ARL10: variants seen among roughly 807,000 people sequenced by gnomAD.
ARL10 encodes ADP-ribosylation factor-like protein 10.
A neutral mutation model predicts 26.1 loss-of-function variants in ARL10; 23 were observed. The observed-to-expected ratio is 0.88, with a 90% confidence interval of 0.63 to 1.25. The LOEUF (loss-of-function observed/expected upper bound fraction) is 1.25. ARL10 is among the 50% of genes most tolerant of loss of function. The pLI is 0.00. For synonymous variants in ARL10, 138 were observed against 149.1 expected (o/e 0.93, Z 0.54); for missense variants, 300 against 323.6 (o/e 0.93, Z 0.56).
the ARL10 span, among the ~76,000 whole-genome samples, chr5:176,409,293 G>GAAAAAAA: frequency 1.9e-5 from 2 of 103,062 alleles, no homozygotes; most frequent in Non-Finnish European, 4.1e-5. Context: ...TTTTAAAATT[G>GAAAAAAA]AAAAAAAAAA....
intron 1 of ARL10, chr5:176,398,186 T>C: frequency 1.4e-6 from 1 of 714,758 alleles, no homozygotes; most frequent in East Asian, 2.7e-5. Context: ...TGACTACACC[T>C]ATCTTTGCAC....
In ARL10 at chr5:176,397,779, G is replaced by A. The variant is rs555936486; in HGVS notation, c.134-3962G>A. 117 of 1,547,030 alleles carry A rather than the reference G, an allele frequency of 7.6e-5. No homozygotes were observed. The East Asian group carries it at 1.2e-3, about 16-fold the overall frequency. On this transcript the variant is annotated intron_variant, in intron 1 of 1. Transcript: ENST00000514533. ...AGCTGGGATGCACAGGCCCGGCCGC[G>A]CTCCTCCCCTGGCCCCTGCCAGGCA...
chr5:176,399,211 ACTG>A (rs1756694201), intron 1 of ARL10, among the ~76,000 whole-genome samples: 1 of 152,046 alleles, frequency 6.6e-6, no homozygotes, highest in African/African-American at 2.4e-5. Flanking sequence ...TGTCCTTTTC[ACTG>A]CTATGTCCCC....
downstream of ARL10, chr5:176,406,421 G>A (rs1055922406): frequency 1.6e-5 from 19 of 1,160,698 alleles, no homozygotes; most frequent in Admixed American, 1.6e-4. Context: ...CGTGTGCTGC[G>A]ACTCCAGGGA....
chr5:176,402,837 C>T (rs372068949), downstream of ARL10, among the ~76,000 whole-genome samples: 17 of 152,216 alleles, frequency 1.1e-4, no homozygotes, highest in South Asian at 1.5e-3. Context: ...GCACCATTCT[C>T]GCCTGGGGAC....
chr5:176,387,073 TCTCTC>T (rs993927524), intron 1 of ARL10: 54 of 590,808 alleles, frequency 9.1e-5, no homozygotes, highest in African/African-American at 8.5e-4. Flanking sequence ...TTTCTCTCTC[TCTCTC>T]TTTTTTTTTT....
downstream of ARL10, chr5:176,385,372 T>G (rs1755759094): frequency 8.4e-7 from 1 of 1,184,006 alleles, no homozygotes; most frequent in East Asian, 2.3e-5. Flanking sequence ...GAGGCTTTGC[T>G]TTCTGTGCTC....
chr5:176,405,301 C>A (rs1192241519), downstream of ARL10, among the ~76,000 whole-genome samples: 1 of 151,898 alleles, frequency 6.6e-6, no homozygotes, highest in African/African-American at 2.4e-5. Context: ...CCAGCCTGGC[C>A]AATATAGCGA....
At chr5:176,410,107 T>A in the ARL10 span, 1 of 663,192 alleles carries the variant, frequency 1.5e-6, no homozygotes, top group Non-Finnish European at 2.6e-6. Context: ...ACAAAAAAAA[T>A]TCCAAAAACC....
downstream of ARL10, among the ~76,000 whole-genome samples, chr5:176,393,410 AG>A: frequency 6.6e-6 from 1 of 152,346 alleles, no homozygotes; most frequent in South Asian, 2.1e-4. This position sits in a 1 kb window ranked among gnomAD's most constrained non-coding sequence, Gnocchi z 4.4. Context: ...ACCATCTAAC[AG>A]AAGCACCTAG....
intron 2 of ARL10, among the ~76,000 whole-genome samples, chr5:176,367,654 A>G (rs1353436019): frequency 2.6e-5 from 4 of 151,824 alleles, no homozygotes; most frequent in African/African-American, 9.7e-5. Flanking sequence ...TCTGTTTCCC[A>G]GACACTTCCA....
chr5:176,388,844 C>A (rs1487353507), downstream of ARL10: 2 of 1,614,060 alleles, frequency 1.2e-6, no homozygotes, highest in Admixed American at 3.3e-5. Flanking sequence ...CCCTGTGATT[C>A]CGGAGGTCCC....
intron 1 of ARL10, among the ~76,000 whole-genome samples, chr5:176,396,699 A>G (rs1481754264): frequency 6.6e-6 from 1 of 151,938 alleles, no homozygotes; most frequent in Admixed American, 6.6e-5. Context: ...CACAGCCCCA[A>G]ACAGGAGAAT....
chr5:176,406,021 G>A, downstream of ARL10: 1 of 406,718 alleles, frequency 2.5e-6, no homozygotes, highest in Non-Finnish European at 3.3e-6. Context: ...TGGTGCTGCT[G>A]GCAGGCAAAG....
downstream of ARL10, among the ~76,000 whole-genome samples, chr5:176,403,675 A>G (rs865851681): frequency 9.4e-5 from 14 of 148,826 alleles, no homozygotes; most frequent in Middle Eastern, 3.8e-3. Flanking sequence ...GCTGGTCTTG[A>G]ACTCCTGACC....
chr5:176,365,629 G>A lies in ARL10; in HGVS notation c.66G>A (p.Ser22=), dbSNP rs932484726. The change falls in exon 1 of 4, where the codon TCG becomes TCA. Residue 22 remains serine, a synonymous_variant. Coordinates refer to ENST00000310389, the MANE Select transcript of ARL10 (RefSeq NM_173664.6). ...ALGGAAAVLG[S]VLFILWKTYF... is the part of the protein sequence containing the mutation. Reference sequence around the variant, plus strand: ...GCGGCGCCGCGGCGGTGCTGGGCTCGGTGCTCTTCATCCTCTGGAAGACCT... The same window carrying A: ...GCGGCGCCGCGGCGGTGCTGGGCTCAGTGCTCTTCATCCTCTGGAAGACCT... 1.6e-6 allele frequency: 2 copies of A among 1,260,824 alleles called. No homozygotes were observed. Among genetic ancestry groups the A allele is most frequent in the Non-Finnish European group, 2.0e-6 (2 of 1,003,782 alleles). The allele number at this position is 1,260,824 out of a possible 1,614,324, so 78.1% of individuals were successfully genotyped here. A position where few individuals can be genotyped will look rare whatever the true frequency, so the allele number is the denominator to read the frequency against.
rs1275496782 is a variant in ARL10 at position 176,375,278 on chromosome 5, AT to A, written c.*3384del. The A allele has an allele frequency of 2.0e-5, 1 of 49,896 alleles. No individual in the cohort carries two copies. The highest frequency in any genetic ancestry group is 8.9e-5 in the African/African-American group (1 of 11,220). 3.1% of individuals were successfully genotyped at this position (49,896 alleles called of 1,614,324 possible). On this transcript the variant is annotated 3_prime_UTR_variant, in exon 4 of 4. Coordinates refer to ENST00000310389, the MANE Select transcript of ARL10 (RefSeq NM_173664.6). ...CATCCATCCACCCATCCACCCATCC[AT>A]CCATCCACCCATCCATCCATCCATC...
chr5:176,383,683 GT>G (rs1416461968), downstream of ARL10, among the ~76,000 whole-genome samples: 2 of 152,266 alleles, frequency 1.3e-5, no homozygotes, highest in African/African-American at 4.8e-5. Flanking sequence ...CCCCAGCCTA[GT>G]GGGGGGACTA....
chr5:176,368,863 G>A lies in ARL10; in HGVS notation c.442G>A (p.Val148Met), dbSNP rs143052339. The A allele has an allele frequency of 6.2e-7, 1 of 1,614,222 alleles. No homozygotes were observed. Among genetic ancestry groups the A allele is most frequent in the Non-Finnish European group, 8.5e-7 (1 of 1,180,032 alleles). Residue 148 changes from valine to methionine, a missense_variant, in exon 3 of 4, where the codon GTG (valine) becomes ATG (methionine). Physicochemically the swap from Val to Met is conservative, Grantham distance 21. Coordinates refer to ENST00000310389, the MANE Select transcript of ARL10 (RefSeq NM_173664.6). This position sits in a 1 kb window ranked among gnomAD's most constrained non-coding sequence, Gnocchi z 4.1. ...GAAGGAGTTTGTGAGCGAGGTGGAT[G>A]TGCTGGTGTTTGTGGTGGACTCGGC... is the stretch of plus-strand genomic sequence containing the variant. ...YWKEFVSEVD[V>M]LVFVVDSADR...
Sources: gnomAD v4.1 joint callset for allele counts (sites outside exome capture counted in the v4.1 genomes callset) on GRCh38, gnomAD v4.1.1 for gene constraint, Gnocchi (gnomAD v3.1) non-coding constraint, MANE v1.5 for transcripts, NCBI Gene and HGNC (gene_info 2026-07-23, HGNC 2026-07-21) for gene names.